The following GPC3 variants were observed in gnomAD, a reference collection of about 807,000 sequenced individuals.
The protein encoded by GPC3 is glypican-3.
A neutral mutation model predicts 34.4 loss-of-function variants in GPC3; 3 were observed. That is an observed-to-expected ratio of 0.09 (90% CI 0.04 to 0.23). The LOEUF is 0.23. Among genes scored for constraint, GPC3 ranks in the 10% least tolerant of loss-of-function variants. The pLI is 1.00. For synonymous variants in GPC3, 177 were observed against 174.0 expected, an observed-to-expected ratio of 1.02 and a Z score of -0.13; for missense variants, 351 against 445.6, an observed-to-expected ratio of 0.79 and a Z score of 1.91.
intron 3 of GPC3, among the ~76,000 whole-genome samples, chrX:133,709,855 C>G (rs2071252068): frequency 8.9e-6 from 1 of 112,285 alleles, no homozygotes; most frequent in Non-Finnish European, 1.9e-5. Flanking sequence ...GCATTTTCCT[C>G]TCACTTTTCC....
At chrX:133,560,856 C>A (rs1357948198) in intron 7 of GPC3, among the ~76,000 whole-genome samples, 1 of 111,923 alleles carries the variant, frequency 8.9e-6, no homozygotes, top group African/African-American at 3.2e-5. Flanking sequence ...GGATGGGTTT[C>A]TTTGCCTGTC....
At chrX:133,908,889 TCA>T (rs2076182783) in intron 2 of GPC3, among the ~76,000 whole-genome samples, 1 of 112,393 alleles carries the variant, frequency 8.9e-6, no homozygotes, top group Admixed American at 9.4e-5. Context: ...TTTACATCTA[TCA>T]CTGTTAACTT....
chrX:133,984,713 A>C (rs1024989000), intron 1 of GPC3, among the ~76,000 whole-genome samples: 22 of 109,932 alleles, frequency 2.0e-4, no homozygotes, highest in African/African-American at 7.3e-4. Context: ...TCTTACTCAA[A>C]AGTTTGCCTC....
chrX:133,681,169 C>G (rs1475282340), intron 5 of GPC3, among the ~76,000 whole-genome samples: 1 of 111,541 alleles, frequency 9.0e-6, no homozygotes, highest in East Asian at 2.8e-4. Context: ...GTGTTCCAGG[C>G]ACTATACTCT....
chrX:133,912,019 G>A (rs1306395526), intron 2 of GPC3, among the ~76,000 whole-genome samples: 1 of 112,254 alleles, frequency 8.9e-6, no homozygotes, highest in African/African-American at 3.2e-5. Flanking sequence ...TGTGGAAGTG[G>A]TTTTCAAAAT....
chrX:133,911,373 G>C (rs2076198727), intron 2 of GPC3, among the ~76,000 whole-genome samples: 1 of 112,109 alleles, frequency 8.9e-6, no homozygotes, highest in African/African-American at 3.2e-5. Context: ...CTCGATACAG[G>C]TTAACATCCT....
At position 133,643,831 on chromosome X, in the gene GPC3, G is replaced by GT. The variant is rs778326133; in HGVS notation, c.1413+17898dup. Among the ~76,000 whole-genome samples the GT allele has an allele frequency of 2.1e-3, 207 of 96,896 alleles. 1 individual carries two copies. Among genetic ancestry groups the GT allele is most frequent in the East Asian group, 0.011 (34 of 3,215 alleles). The allele number at this position is 96,896 out of a possible 115,157, so 84.1% of individuals were successfully genotyped here. ...ACATTTGGATTGCTTTTGTTTTTAT[G>GT]TTTTTTTTTTTTTTGAGACGGGGTT... On this transcript the variant is annotated intron_variant, in intron 6 of 7. Transcript: ENST00000370818.
intron 1 of GPC3, among the ~76,000 whole-genome samples, chrX:133,973,130 C>T (rs776892181): frequency 9.0e-6 from 1 of 111,159 alleles, no homozygotes; most frequent in South Asian, 3.8e-4. Context: ...AGGAAGGGAA[C>T]CCAGAGTACA....
chrX:133,636,207 C>T (rs958501489), intron 6 of GPC3, among the ~76,000 whole-genome samples: 5 of 112,555 alleles, frequency 4.4e-5, no homozygotes, highest in African/African-American at 1.6e-4. Flanking sequence ...CGGTGAAATG[C>T]GATTGCTATT....
chrX:133,883,524 G>A (rs1401858557), intron 2 of GPC3, among the ~76,000 whole-genome samples: 2 of 111,708 alleles, frequency 1.8e-5, no homozygotes, highest in Non-Finnish European at 3.8e-5. Flanking sequence ...ATAAAGTAGG[G>A]GAATTTAAAG....
intron 3 of GPC3, among the ~76,000 whole-genome samples, chrX:133,726,386 AATAATG>A (rs2071407964): frequency 2.7e-5 from 3 of 111,918 alleles, no homozygotes; most frequent in African/African-American, 9.8e-5. Flanking sequence ...TGAAAAAGCA[AATAATG>A]ATAATAAAGA....
intron 3 of GPC3, among the ~76,000 whole-genome samples, chrX:133,749,424 G>A (rs1169865887): frequency 9.0e-6 from 1 of 111,608 alleles, no homozygotes; most frequent in Non-Finnish European, 1.9e-5. Context: ...ACCACCTCCA[G>A]TGGTGCTGCC....
At chrX:133,930,820 T>G (rs1176004354) in intron 2 of GPC3, among the ~76,000 whole-genome samples, 1 of 111,643 alleles carries the variant, frequency 9.0e-6, no homozygotes, top group East Asian at 2.8e-4. Flanking sequence ...GTATTTTTAG[T>G]AGAGACGGGG....
intron 6 of GPC3, among the ~76,000 whole-genome samples, chrX:133,601,208 AAATATGC>A (rs1425551618): frequency 1.5e-4 from 17 of 112,148 alleles, no homozygotes; most frequent in African/African-American, 5.5e-4. Context: ...CTAATATTTT[AAATATGC>A]AAGTATCAAA....
At chrX:133,789,746 A>T (rs2072141502) in intron 2 of GPC3, among the ~76,000 whole-genome samples, 1 of 112,428 alleles carries the variant, frequency 8.9e-6, no homozygotes, top group African/African-American at 3.2e-5. Flanking sequence ...CTGTGCAAAT[A>T]TAAGCTATTA....
At chrX:133,745,728 C>A (rs1056342763) in intron 3 of GPC3, among the ~76,000 whole-genome samples, 1 of 112,330 alleles carries the variant, frequency 8.9e-6, no homozygotes, top group Non-Finnish European at 1.9e-5. Context: ...AATTTCCTTG[C>A]CAGATCCTCC....
At chrX:133,813,582 T>G (rs2075675394) in intron 2 of GPC3, among the ~76,000 whole-genome samples, 1 of 112,620 alleles carries the variant, frequency 8.9e-6, no homozygotes, top group Non-Finnish European at 1.9e-5. Context: ...TGCCCTTGAA[T>G]GTCAATATCA....
chrX:133,558,604 T>C (rs773707657), intron 7 of GPC3, among the ~76,000 whole-genome samples: 1 of 111,055 alleles, frequency 9.0e-6, no homozygotes, highest in Non-Finnish European at 1.9e-5. Flanking sequence ...GGTTTAAATG[T>C]GTCATCGGCC....
chrX:133,913,766 A>T (rs919082163), intron 2 of GPC3, among the ~76,000 whole-genome samples: 1 of 111,169 alleles, frequency 9.0e-6, no homozygotes, highest in African/African-American at 3.3e-5. Flanking sequence ...GACTGAAGAG[A>T]GGAAAGAAAT....
Sources: allele counts gnomAD v4.1 joint callset (sites outside exome capture counted in the v4.1 genomes callset), GRCh38; gene constraint gnomAD v4.1.1; transcripts MANE v1.5; gene names NCBI Gene and HGNC (gene_info 2026-07-23, HGNC 2026-07-21).